STK3: variants seen among roughly 807,000 people sequenced by gnomAD.
STK3 encodes serine/threonine kinase 3, also known as serine/threonine-protein kinase 3.
In STK3, 41 loss-of-function variants were observed where a neutral mutation model predicts 58.0. That is an observed-to-expected ratio of 0.71 (90% CI 0.55 to 0.92). The LOEUF (loss-of-function observed/expected upper bound fraction) is 0.92, where lower values mean the gene tolerates loss of function less well. STK3 is among the 40% of genes least tolerant of loss of function. The pLI is 0.00. For synonymous variants in STK3, 170 were observed against 191.0 expected (o/e 0.89, Z 0.91); for missense variants, 479 against 602.7 (o/e 0.79, Z 2.15).
chr8:98,709,815 C>A (rs558077277), intron 4 of STK3, among the ~76,000 whole-genome samples: 4 of 152,130 alleles, frequency 2.6e-5, no homozygotes, highest in African/African-American at 7.2e-5. Context: ...ATACAAAAAA[C>A]CCAAAGTAAA....
chr8:98,354,046 TGTGGTGTCCTAAAG>T, the STK3 span, among the ~76,000 whole-genome samples: 1 of 152,200 alleles, frequency 6.6e-6, no homozygotes, highest in Non-Finnish European at 1.5e-5. Flanking sequence ...CTTCCCTTTG[TGTGGTGTCCTAAAG>T]AGAGGATCTG....
At position 98,428,975 on chromosome 8, in the gene STK3, C is replaced by T. The variant is rs145439108; in HGVS notation, n.483+5152G>A. The T allele has an allele frequency of 4.2e-3, 6,782 of 1,614,170 alleles. 18 individuals are homozygous for T. Among genetic ancestry groups the T allele is most frequent in the Non-Finnish European group, 5.0e-3 (5,875 of 1,180,038 alleles). ...ACAGCTACAAAGAAGTAGGGCTGCT[C>T]TTGCTCTACCTCTCCGTGGGGATTT... On this transcript the variant is annotated intron_variant and non_coding_transcript_variant, in intron 3 of 3. Coordinates refer to the STK3 transcript ENST00000517832. This position sits in a 1 kb window ranked among gnomAD's most constrained non-coding sequence, Gnocchi z 6.7.
intron 3 of STK3, among the ~76,000 whole-genome samples, chr8:98,857,945 T>C (rs1046335517): frequency 1.3e-5 from 2 of 152,156 alleles, no homozygotes; most frequent in Non-Finnish European, 2.9e-5. Flanking sequence ...AAGAAAAGCC[T>C]GTGTGAAATA....
intron 6 of STK3, among the ~76,000 whole-genome samples, chr8:98,644,152 T>A (rs748886447): frequency 6.6e-6 from 1 of 152,242 alleles, no homozygotes; most frequent in Admixed American, 6.5e-5. Flanking sequence ...CCAAGTTTTA[T>A]ATTATTTAGC....
At chr8:98,771,557 A>G (rs1237067673) in intron 2 of STK3, among the ~76,000 whole-genome samples, 3 of 151,836 alleles carry the variant, frequency 2.0e-5, no homozygotes, top group Non-Finnish European at 4.4e-5. Flanking sequence ...TTATATATAC[A>G]AACATATACG....
chr8:98,912,763 G>A (rs1185646206), intron 1 of STK3, among the ~76,000 whole-genome samples: 2 of 152,096 alleles, frequency 1.3e-5, no homozygotes, highest in African/African-American at 4.8e-5. Flanking sequence ...TAAGACCAAG[G>A]GAAATGAATA....
At chr8:98,363,534 A>G in the STK3 span, among the ~76,000 whole-genome samples, 1 of 152,234 alleles carries the variant, frequency 6.6e-6, no homozygotes, top group Non-Finnish European at 1.5e-5. Context: ...GCTAGATCAG[A>G]TTAAATTAAA....
chr8:98,915,418 C>G (rs1839305404), intron 1 of STK3, among the ~76,000 whole-genome samples: 2 of 115,206 alleles, frequency 1.7e-5, no homozygotes, highest in Non-Finnish European at 1.7e-5. Flanking sequence ...TGAGTTAATA[C>G]TTAATAAACT....
chr8:98,497,356 G>A (rs540139844), intron 10 of STK3, among the ~76,000 whole-genome samples: 1 of 152,052 alleles, frequency 6.6e-6, no homozygotes, highest in East Asian at 1.9e-4. Flanking sequence ...GGACGAACAT[G>A]TAAGTGTAAA....
intron 1 of STK3, among the ~76,000 whole-genome samples, chr8:98,940,971 C>T (rs1321432470): frequency 6.6e-6 from 1 of 152,250 alleles, no homozygotes; most frequent in African/African-American, 2.4e-5. Context: ...GCACACGCGA[C>T]TCTTTCTCTG....
At chr8:98,689,803 T>C (rs1407915796) in intron 6 of STK3, among the ~76,000 whole-genome samples, 2 of 151,852 alleles carry the variant, frequency 1.3e-5, no homozygotes, top group South Asian at 2.1e-4. Flanking sequence ...TTTATATATA[T>C]GAGCAAACCA....
intron 1 of STK3, among the ~76,000 whole-genome samples, chr8:98,895,201 C>A (rs1017324332): frequency 6.6e-6 from 1 of 152,156 alleles, no homozygotes; most frequent in African/African-American, 2.4e-5. Context: ...TGTTTCTCAA[C>A]TGTTATTTCC....
At chr8:98,394,839 A>G (rs12115160) in intron 3 of STK3, among the ~76,000 whole-genome samples, 33,741 of 152,184 alleles carry the variant, frequency 0.22, 4,495 homozygotes, top group African/African-American at 0.37. Context: ...AAGTGTGAAG[A>G]TTACACATCT....
intron 6 of STK3, among the ~76,000 whole-genome samples, chr8:98,695,548 T>A (rs1824829962): frequency 2.0e-5 from 3 of 152,230 alleles, no homozygotes. Context: ...GGGATACAGT[T>A]TCAGCTTTCT....
At chr8:98,810,528 G>A (rs748857077) in intron 1 of STK3, among the ~76,000 whole-genome samples, 1 of 151,868 alleles carries the variant, frequency 6.6e-6, no homozygotes, top group Non-Finnish European at 1.5e-5. Flanking sequence ...TACTAGTGAT[G>A]TCAAGCATCT....
chr8:98,767,311 T>C lies in STK3; in HGVS notation c.168A>G (p.Lys56=), dbSNP rs767596340. ...HKESGQVVAI[K]QVPVESDLQE... ...GAAGATCTGATTCAACAGGTACTTGTTTAATTGCGACAACTTGACCGGATT... is the reference window on the plus strand; with the variant it reads ...GAAGATCTGATTCAACAGGTACTTGCTTAATTGCGACAACTTGACCGGATT... Residue 56 remains lysine, a synonymous_variant, in exon 3 of 11, where the codon AAA becomes AAG. Coordinates refer to ENST00000419617, the MANE Select transcript of STK3 (RefSeq NM_006281.4). The C allele has an allele frequency of 6.2e-7, 1 of 1,611,956 alleles. No individual in the cohort carries two copies. The highest frequency in any genetic ancestry group is 1.7e-5 in the Admixed American group (1 of 59,470).
intron 9 of STK3, among the ~76,000 whole-genome samples, chr8:98,531,064 G>A (rs538546094): frequency 2.6e-4 from 40 of 152,240 alleles, no homozygotes; most frequent in African/African-American, 9.6e-4. Context: ...GGGTTGGAAT[G>A]GACTTCTTCC....
chr8:98,562,078 T>C (rs1812082227), intron 8 of STK3, among the ~76,000 whole-genome samples: 1 of 152,156 alleles, frequency 6.6e-6, no homozygotes, highest in African/African-American at 2.4e-5. Context: ...GAATATAAAA[T>C]GATACAACTT....
At position 98,713,743 on chromosome 8, in the gene STK3, T is replaced by C. The variant is rs567069834; in HGVS notation, c.352-6432A>G. On this transcript the variant is annotated intron_variant, in intron 4 of 10. Coordinates refer to ENST00000419617, the MANE Select transcript of STK3 (RefSeq NM_006281.4). ...TTCCTTCTGAAACTATTCCAATCAA[T>C]AGAAAAAGAGGGAATCCTCCCTAAC... Among the ~76,000 whole-genome samples the C allele has an allele frequency of 8.0e-4, 122 of 151,882 alleles. 1 individual carries two copies. Among genetic ancestry groups the C allele is most frequent in the African/African-American group, 2.8e-3 (116 of 41,412 alleles).
Sources: allele counts gnomAD v4.1 joint callset (sites outside exome capture counted in the v4.1 genomes callset), GRCh38; gene constraint gnomAD v4.1.1; non-coding constraint Gnocchi (gnomAD v3.1); transcripts MANE v1.5; gene names NCBI Gene and HGNC (gene_info 2026-07-23, HGNC 2026-07-21).